SPTA1: variants seen among roughly 807,000 people sequenced by gnomAD.
SPTA1 encodes the protein spectrin alpha, erythrocytic 1.
In SPTA1, 177 loss-of-function variants were observed where a neutral mutation model predicts 324.7. The ratio of observed to expected loss-of-function variants is 0.55; its 90% CI spans 0.48 to 0.62. The LOEUF is 0.62. Ranked by LOEUF, SPTA1 falls within the 20% of genes least tolerant of loss-of-function variation. The pLI is 0.00. For missense variants in SPTA1, 3,162 were observed against 2,883.6 expected (o/e 1.10, Z -2.21); for synonymous variants, 1,195 against 1,041.3 (o/e 1.15, Z -2.84).
intron 8 of SPTA1, among the ~76,000 whole-genome samples, chr1:158,675,400 C>G (rs226774): frequency 0.96 from 146,138 of 152,070 alleles, 70,490 homozygotes; most frequent in East Asian, 1. Flanking sequence ...AGCTTTTTGA[C>G]CCATTTCATA....
chr1:158,680,793 T>G, intron 4 of SPTA1, 64 bp from the exon 5 acceptor site: 2 of 1,598,434 alleles, frequency 1.3e-6, no homozygotes, highest in Non-Finnish European at 1.7e-6. Context: ...GGTCAAAAAC[T>G]CAAAACTCCT....
intron 21 of SPTA1, 137 bp downstream of exon 21, chr1:158,654,474 C>G: frequency 8.2e-7 from 1 of 1,219,518 alleles, no homozygotes; most frequent in South Asian, 1.6e-5. Context: ...AAAATACTAC[C>G]TAATCAGTTA....
At chr1:158,643,508 G>T in intron 30 of SPTA1, 83 bp from the exon 31 acceptor site, 1 of 1,316,210 alleles carries the variant, frequency 7.6e-7, no homozygotes, top group Non-Finnish European at 1.1e-6. Flanking sequence ...AGAAAAGAAT[G>T]AAGGTATCCT....
At position 158,645,286 on chromosome 1, in the gene SPTA1, T is replaced by C; in HGVS notation, c.4096A>G (p.Ile1366Val). ...IDSGHHASPE[I>V]EKKLQAVKLE... ...TTGACAGCTTGAAGCTTTTTTTCAATTTCAGGGCTAGCATGGTGCCCACTG... is the reference window on the plus strand; with the variant it reads ...TTGACAGCTTGAAGCTTTTTTTCAACTTCAGGGCTAGCATGGTGCCCACTG... The change falls in exon 29 of 52, where the codon ATT (isoleucine) becomes GTT (valine). Residue 1366 changes from isoleucine (I) to valine (V), a missense_variant. Coordinates refer to ENST00000643759, the MANE Select transcript of SPTA1 (RefSeq NM_003126.4). The C allele has an allele frequency of 1.2e-6, 2 of 1,614,018 alleles. No homozygotes were observed. The highest frequency in any genetic ancestry group is 1.7e-6 in the Non-Finnish European group (2 of 1,179,944).
At chr1:158,622,839 T>G (rs1229167396) in intron 43 of SPTA1, 144 bp downstream of exon 43, 6 of 799,594 alleles carry the variant, frequency 7.5e-6, no homozygotes, top group Middle Eastern at 3.2e-4. Context: ...TACTTTTTGC[T>G]CAGTAAGAAT....
intron 44 of SPTA1, among the ~76,000 whole-genome samples, chr1:158,619,795 A>G (rs1436279598): frequency 1.3e-5 from 2 of 152,214 alleles, no homozygotes; most frequent in Non-Finnish European, 2.9e-5. Context: ...AAAAATACAT[A>G]CGTAGCAAGG....
At chr1:158,637,343 C>T (rs1651158998) in intron 36 of SPTA1, among the ~76,000 whole-genome samples, 1 of 152,138 alleles carries the variant, frequency 6.6e-6, no homozygotes, top group East Asian at 1.9e-4. Context: ...CATGGTGCTT[C>T]CCTCTAATTT....
At position 158,614,325 on chromosome 1, in the gene SPTA1, A is replaced by AG; in HGVS notation, c.6789-20_6789-19insC. 1 of 1,561,322 alleles carries AG rather than the reference A, an allele frequency of 6.4e-7. No homozygotes were observed. Among genetic ancestry groups the AG allele is most frequent in the Non-Finnish European group, 8.8e-7 (1 of 1,137,046 alleles). On this transcript the variant is annotated intron_variant, in intron 48 of 51. Transcript: ENST00000643759. ...GATGTCCCTGAAAGAAAAAAAAAAAACATGAATTTTCCCTGTATATGAAAC... is the reference window on the plus strand; with the variant it reads ...GATGTCCCTGAAAGAAAAAAAAAAAAGCATGAATTTTCCCTGTATATGAAAC...
chr1:158,660,504 G>C (rs116318270), intron 18 of SPTA1, among the ~76,000 whole-genome samples: 61 of 152,188 alleles, frequency 4.0e-4, no homozygotes, highest in African/African-American at 1.4e-3. Flanking sequence ...TGTAATAACA[G>C]AGCTTCAAAA....
intron 9 of SPTA1, 36 bp from the exon 10 acceptor site, chr1:158,674,466 A>G (rs759434113): frequency 6.2e-7 from 1 of 1,614,058 alleles, no homozygotes; most frequent in East Asian, 2.2e-5. Flanking sequence ...AAAATGCAGC[A>G]AGAAACCTGG....
chr1:158,626,934 A>T lies in SPTA1; in HGVS notation c.5738T>A (p.Leu1913Gln). Residue 1913 changes from leucine (L) to glutamine (Q), a missense_variant, in exon 41 of 52, where the codon CTG (leucine) becomes CAG (glutamine). Coordinates refer to ENST00000643759, the MANE Select transcript of SPTA1 (RefSeq NM_003126.4). ...CTTCCAAGCAGCTATTGCCTTAGCC[A>T]GAGAAGGGGTCTTTTCATTCAGAGC... ...IEALNEKTPSLAKAIAAWKLQ... is the reference protein window; with the variant it reads ...IEALNEKTPSQAKAIAAWKLQ... 1 of 1,613,990 alleles carries T rather than the reference A, an allele frequency of 6.2e-7. No homozygotes were observed. Among genetic ancestry groups the T allele is most frequent in the African/African-American group, 1.3e-5 (1 of 75,038 alleles).
chr1:158,668,892 C>T (rs1451392459), intron 14 of SPTA1, among the ~76,000 whole-genome samples: 3 of 152,138 alleles, frequency 2.0e-5, no homozygotes, highest in East Asian at 3.9e-4. Context: ...CTTTGGGCAA[C>T]TCACTTCTCA....
chr1:158,645,421 A>G (rs1410514076), intron 28 of SPTA1, 36 bp from the exon 29 acceptor site: 1 of 1,613,680 alleles, frequency 6.2e-7, no homozygotes, highest in Non-Finnish European at 8.5e-7. Context: ...AGTGAGGCCA[A>G]CTCCATTGGA....
chr1:158,684,386 C>A (rs1308036379), intron 2 of SPTA1, among the ~76,000 whole-genome samples: 1 of 151,986 alleles, frequency 6.6e-6, no homozygotes, highest in Non-Finnish European at 1.5e-5. Flanking sequence ...GACTCTTCAC[C>A]CTATTTCCCT....
intron 9 of SPTA1, 42 bp from the exon 10 acceptor site, chr1:158,674,472 CCTGGCATTT>C: frequency 6.2e-7 from 1 of 1,614,016 alleles, no homozygotes; most frequent in Non-Finnish European, 8.5e-7. Flanking sequence ...CAGCAAGAAA[CCTGGCATTT>C]CTGGCATTCA....
At chr1:158,681,388 C>T in intron 4 of SPTA1, 139 bp downstream of exon 4, 1 of 1,400,944 alleles carries the variant, frequency 7.1e-7, no homozygotes, top group South Asian at 1.2e-5. Context: ...ATTTTGGCCC[C>T]AATTTCCTCT....
Position 158,645,323 on chromosome 1 carries a change from T to A in SPTA1, c.4059A>T (p.Ala1353=), listed in dbSNP as rs1180051668. The change falls in exon 29 of 52, where the codon GCA becomes GCT. Residue 1353 remains alanine (A), a synonymous_variant. Transcript: ENST00000643759. ...PTFQALEDFS[A]ELIDSGHHAS... is the part of the protein sequence containing the mutation. ...CATGGTGCCCACTGTCGATAAGTTC[T>A]GCACTGAAGTCCTCTAAGGCCTGGA... 1 of 1,614,054 alleles carries A rather than the reference T, an allele frequency of 6.2e-7. No homozygotes were observed.
intron 51 of SPTA1, chr1:158,611,731 G>T (rs1039361050): frequency 2.7e-5 from 7 of 261,936 alleles, no homozygotes; most frequent in Non-Finnish European, 5.2e-5. Flanking sequence ...TGAGATGTGG[G>T]GACTAGCATG....
chr1:158,668,442 T>C (rs1653773197), intron 14 of SPTA1, among the ~76,000 whole-genome samples: 3 of 152,272 alleles, frequency 2.0e-5, no homozygotes, highest in South Asian at 2.1e-4. Flanking sequence ...ATTAAACATA[T>C]AGTGGAGCCA....
Sources: gnomAD v4.1 joint callset for allele counts (sites outside exome capture counted in the v4.1 genomes callset) on GRCh38, gnomAD v4.1.1 for gene constraint, MANE v1.5 for transcripts, NCBI Gene and HGNC (gene_info 2026-07-23, HGNC 2026-07-21) for gene names.